Variants in ZC3H3 observed in about 807,000 individuals in gnomAD.
ZC3H3 encodes the protein zinc finger CCCH-type containing 3.
In ZC3H3, 36 loss-of-function variants were observed where a neutral mutation model predicts 77.3. That is an observed-to-expected ratio of 0.47 (90% CI 0.36 to 0.61). ZC3H3 has a LOEUF of 0.61. Among genes scored for constraint, ZC3H3 ranks in the 20% least tolerant of loss-of-function variants. The probability of loss-of-function intolerance (pLI) is 0.00; values close to 1 mark genes in which losing one functional copy is unlikely to be tolerated. For missense variants in ZC3H3, 1,331 were observed against 1,312.2 expected, an observed-to-expected ratio of 1.01 and a Z score of -0.22; for synonymous variants, 626 against 555.2, an observed-to-expected ratio of 1.13 and a Z score of -1.79.
At chr8:143,528,525 G>C (rs1323615675) in intron 3 of ZC3H3, among the ~76,000 whole-genome samples, 1 of 152,250 alleles carries the variant, frequency 6.6e-6, no homozygotes, top group Admixed American at 6.5e-5. Context: ...GTTACGGCGA[G>C]GATGGCACAG....
intron 9 of ZC3H3, among the ~76,000 whole-genome samples, chr8:143,459,019 C>T (rs559548781): frequency 2.6e-4 from 39 of 152,158 alleles, no homozygotes; most frequent in Middle Eastern, 3.4e-3. Flanking sequence ...CAGGACCAGA[C>T]GGCTTCACTG....
At chr8:143,517,383 C>A (rs767261766) in intron 3 of ZC3H3, among the ~76,000 whole-genome samples, 1 of 152,176 alleles carries the variant, frequency 6.6e-6, no homozygotes, top group Non-Finnish European at 1.5e-5. Flanking sequence ...AGGGTGAACA[C>A]AGGCCTTGGG....
intron 3 of ZC3H3, among the ~76,000 whole-genome samples, chr8:143,508,548 T>C (rs1349482356): frequency 6.6e-6 from 1 of 152,222 alleles, no homozygotes; most frequent in African/African-American, 2.4e-5. Flanking sequence ...CCCTTCCACT[T>C]GATAGCTGGC....
intron 4 of ZC3H3, among the ~76,000 whole-genome samples, chr8:143,498,230 G>A (rs1002003239): frequency 4.6e-5 from 7 of 152,190 alleles, no homozygotes; most frequent in African/African-American, 1.7e-4. Flanking sequence ...AAACCCCATA[G>A]ACTCAAGGCT....
intron 9 of ZC3H3, among the ~76,000 whole-genome samples, chr8:143,446,764 G>A (rs985419064): frequency 6.6e-6 from 1 of 152,278 alleles, no homozygotes; most frequent in Non-Finnish European, 1.5e-5. Context: ...CATGTTTCCA[G>A]CTAAGCCAAT....
chr8:143,477,181 A>T (rs1271682095), intron 4 of ZC3H3, among the ~76,000 whole-genome samples: 2 of 152,192 alleles, frequency 1.3e-5, no homozygotes, highest in East Asian at 3.9e-4. Flanking sequence ...AGGGCCCATT[A>T]GAGAGAGAAT....
intron 4 of ZC3H3, among the ~76,000 whole-genome samples, chr8:143,497,038 A>G (rs1427677909): frequency 7.2e-5 from 11 of 152,258 alleles, no homozygotes; most frequent in Non-Finnish European, 1.6e-4. Context: ...AAGCTCGTTT[A>G]TAAAGGGAGA....
intron 4 of ZC3H3, among the ~76,000 whole-genome samples, chr8:143,476,299 G>T (rs575745301): frequency 1.3e-5 from 2 of 152,304 alleles, no homozygotes; most frequent in South Asian, 4.1e-4. Flanking sequence ...CTGTTTGAGG[G>T]AAATGCTGAT....
rs190324157 is a variant in ZC3H3 at position 143,454,852 on chromosome 8, G to C, written c.2307+10865C>G. On this transcript the variant is annotated intron_variant, in intron 9 of 11. Coordinates refer to ENST00000262577, the MANE Select transcript of ZC3H3 (RefSeq NM_015117.3). ...ACCTAACATTAGTCACTTAGTAGCT[G>C]TCTCCCTCATCACACTGACTCTTGT... 4.3e-3 allele frequency among the ~76,000 whole-genome samples: 653 copies of C among 152,296 alleles called. 5 individuals are homozygous for C. The highest frequency in any genetic ancestry group is 7.4e-3 in the Non-Finnish European group (502 of 68,034).
Position 143,493,410 on chromosome 8 carries a change from T to C in ZC3H3, c.1715+14336A>G, listed in dbSNP as rs920359653. Reference sequence around the variant, plus strand: ...AGCTCAGGCCCTGGCAAGACTGGCTTCTCCTCCCTCTTCCCTACCCCAAAC... The same window carrying C: ...AGCTCAGGCCCTGGCAAGACTGGCTCCTCCTCCCTCTTCCCTACCCCAAAC... On this transcript the variant is annotated intron_variant, in intron 4 of 11. Transcript: ENST00000262577. This position sits in a 1 kb window ranked among gnomAD's most constrained non-coding sequence, Gnocchi z 4.8. Among the ~76,000 whole-genome samples the C allele has an allele frequency of 1.3e-5, 2 of 152,276 alleles. No individual in the cohort carries two copies. The highest frequency in any genetic ancestry group is 2.1e-4 in the South Asian group (1 of 4,824).
Position 143,533,095 on chromosome 8 carries a change from G to T in ZC3H3, c.1561+3162C>A, listed in dbSNP as rs1002837647. ...GGGGCCCTGGACACGCCCCTCCCAG[G>T]GTCCTCCCCTGTCCCTCCCTGGCTT... On this transcript the variant is annotated intron_variant, in intron 3 of 11. Transcript: ENST00000262577. This position sits in a 1 kb window ranked among gnomAD's most constrained non-coding sequence, Gnocchi z 4.0. Among the ~76,000 whole-genome samples the T allele has an allele frequency of 6.6e-6, 1 of 152,056 alleles. No individual in the cohort carries two copies. Among genetic ancestry groups the T allele is most frequent in the African/African-American group, 2.4e-5 (1 of 41,384 alleles).
rs562975427 is a variant in ZC3H3 at position 143,478,573 on chromosome 8, G to A, written c.1716-2988C>T. ...GACCCAGGCTAGAGTGCAATGGTGC[G>A]ATCTCGGCTCACTGCAACCTCCGCC... On this transcript the variant is annotated intron_variant, in intron 4 of 11. Transcript: ENST00000262577. 1.6e-4 allele frequency among the ~76,000 whole-genome samples: 24 copies of A among 152,312 alleles called. No individual in the cohort carries two copies. The South Asian group carries it at 2.3e-3, about 14-fold the overall frequency.
chr8:143,524,752 C>T (rs146041375), intron 3 of ZC3H3, among the ~76,000 whole-genome samples: 1,801 of 152,364 alleles, frequency 0.012, 158 homozygotes, highest in Admixed American at 0.11. Context: ...TTCAGCTCCC[C>T]GGGGGAACAA....
In ZC3H3 at chr8:143,538,744, A is replaced by G; in HGVS notation, c.623T>C (p.Val208Ala). ...KPRMVKSVGS[V>A]GDSPREPRRT... The stretch of plus-strand genomic sequence containing the variant: ...GCGGGGCTCCCGGGGGCTGTCGCCC[A>G]CACTGCCCACTGACTTCACCATCCT... Residue 208 changes from valine (V) to alanine (A), a missense_variant, in exon 2 of 12, where the codon GTG becomes GCG. Coordinates refer to ENST00000262577, the MANE Select transcript of ZC3H3 (RefSeq NM_015117.3). 6.2e-7 allele frequency: 1 copy of G among 1,610,694 alleles called. No individual in the cohort carries two copies. The highest frequency in any genetic ancestry group is 8.5e-7 in the Non-Finnish European group (1 of 1,179,858).
At chr8:143,443,466 C>T (rs1057323208) in intron 9 of ZC3H3, among the ~76,000 whole-genome samples, 1 of 152,054 alleles carries the variant, frequency 6.6e-6, no homozygotes, top group African/African-American at 2.4e-5. Flanking sequence ...CAAACAAAAC[C>T]CCCAGAAAAC....
chr8:143,501,383 T>C (rs950865720), intron 4 of ZC3H3, among the ~76,000 whole-genome samples: 50 of 151,504 alleles, frequency 3.3e-4, no homozygotes, highest in Admixed American at 2.4e-3. Flanking sequence ...TTAGTACTTT[T>C]TGTAGACATG....
intron 1 of ZC3H3, among the ~76,000 whole-genome samples, chr8:143,540,383 C>A (rs944836390): frequency 6.6e-6 from 1 of 152,140 alleles, no homozygotes; most frequent in African/African-American, 2.4e-5. Context: ...CAAGCCACCA[C>A]GCCCATCTCA....
intron 9 of ZC3H3, among the ~76,000 whole-genome samples, chr8:143,459,980 C>T (rs553920718): frequency 3.9e-5 from 6 of 152,256 alleles, no homozygotes; most frequent in African/African-American, 2.4e-5. Flanking sequence ...GGCGTGGTGG[C>T]TCACACCTAT....
At position 143,477,113 on chromosome 8, in the gene ZC3H3, C is replaced by T. The variant is rs181411558; in HGVS notation, c.1716-1528G>A. ...CCACCACTCAGCCCTGCAACCCCTC[C>T]GGGCCTTGGTCCCTCTGCCTGCAAG... On this transcript the variant is annotated intron_variant, in intron 4 of 11. Transcript: ENST00000262577. Among the ~76,000 whole-genome samples the T allele has an allele frequency of 3.1e-3, 471 of 152,334 alleles. 1 individual carries two copies. The highest frequency in any genetic ancestry group is 3.9e-3 in the Non-Finnish European group (267 of 68,024).
Sources: gnomAD v4.1 joint callset for allele counts (sites outside exome capture counted in the v4.1 genomes callset) on GRCh38, gnomAD v4.1.1 for gene constraint, Gnocchi (gnomAD v3.1) non-coding constraint, MANE v1.5 for transcripts, NCBI Gene and HGNC (gene_info 2026-07-23, HGNC 2026-07-21) for gene names.